The following DENND2C variants were observed in gnomAD, a reference collection of about 807,000 sequenced individuals.
DENND2C encodes the protein DENN domain containing 2C, also known as DENN domain-containing protein 2C.
In DENND2C, 72 loss-of-function variants were observed where a neutral mutation model predicts 112.4. The ratio of observed to expected loss-of-function variants is 0.64; its 90% CI spans 0.53 to 0.78. DENND2C has a LOEUF of 0.78. Among genes scored for constraint, DENND2C ranks in the 30% least tolerant of loss-of-function variants. The pLI, the probability that DENND2C is intolerant of heterozygous loss-of-function variation, is 0.00. For synonymous variants in DENND2C, 329 were observed against 381.6 expected, an observed-to-expected ratio of 0.86 and a Z score of 1.61; for missense variants, 992 against 1,113.8, an observed-to-expected ratio of 0.89 and a Z score of 1.56.
chr1:114,659,151 C>T (rs1657414211), intron 1 of DENND2C, among the ~76,000 whole-genome samples: 2 of 152,106 alleles, frequency 1.3e-5, no homozygotes, highest in African/African-American at 4.8e-5. Flanking sequence ...TAAGAACTAA[C>T]AATCTCTCTA....
At position 114,600,964 on chromosome 1, in the gene DENND2C, T is replaced by C. The variant is rs1385695339; in HGVS notation, c.1816-4A>G. 2.5e-6 allele frequency: 4 copies of C among 1,611,390 alleles called. No individual in the cohort carries two copies. The highest frequency in any genetic ancestry group is 3.4e-6 in the Non-Finnish European group (4 of 1,178,678). Reference sequence around the variant, plus strand: ...TCTTCTCTACTTCATCCAGAATCTATATACGCAAAGTGTTATTTTATTATG... The same window carrying C: ...TCTTCTCTACTTCATCCAGAATCTACATACGCAAAGTGTTATTTTATTATG... On this transcript the variant is annotated splice_polypyrimidine_tract_variant and splice_region_variant and intron_variant, in intron 13 of 20. Coordinates refer to ENST00000393274, the MANE Select transcript of DENND2C (RefSeq NM_001256404.2).
Position 114,625,700 on chromosome 1 carries a change from A to G in DENND2C, c.285T>C (p.Asn95=). ...CGTCATATTCATGTTTCTTATTTTCATTCTCACTTTGATCATGGCTTTTGG... is the reference window on the plus strand; with the variant it reads ...CGTCATATTCATGTTTCTTATTTTCGTTCTCACTTTGATCATGGCTTTTGG... ...ENTKSHDQSE[N]ENKKHEYDDT... is the part of the protein sequence containing the mutation. The change falls in exon 4 of 21, where the codon AAT becomes AAC. Residue 95 remains asparagine (N), a synonymous_variant. Coordinates refer to ENST00000393274, the MANE Select transcript of DENND2C (RefSeq NM_001256404.2). 6.2e-7 allele frequency: 1 copy of G among 1,613,896 alleles called. No homozygotes were observed. Among genetic ancestry groups the G allele is most frequent in the Non-Finnish European group, 8.5e-7 (1 of 1,179,964 alleles).
chr1:114,601,133 G>A (rs1471800542), intron 13 of DENND2C, among the ~76,000 whole-genome samples, 173 bp from the exon 14 acceptor site: 1 of 152,112 alleles, frequency 6.6e-6, no homozygotes, highest in African/African-American at 2.4e-5. Context: ...CTCTTGGGAG[G>A]TATCATTATA....
chr1:114,604,406 C>T (rs1233509474), intron 11 of DENND2C, among the ~76,000 whole-genome samples: 1 of 152,156 alleles, frequency 6.6e-6, no homozygotes. Context: ...CCTCTAGATA[C>T]CTGGAAGAAA....
intron 18 of DENND2C, among the ~76,000 whole-genome samples, chr1:114,591,888 T>C (rs916532289): frequency 1.3e-5 from 2 of 149,922 alleles, no homozygotes; most frequent in African/African-American, 4.9e-5. Context: ...ATTTTTATTA[T>C]TATTATTATT....
intron 3 of DENND2C, 43 bp from the exon 4 acceptor site, chr1:114,626,231 T>C: frequency 2.6e-6 from 1 of 391,064 alleles, no homozygotes; most frequent in Non-Finnish European, 4.6e-6. Context: ...TTTTATAATT[T>C]CCTAATTTAA....
At chr1:114,654,145 T>A (rs1047066111) in intron 2 of DENND2C, among the ~76,000 whole-genome samples, 5 of 152,082 alleles carry the variant, frequency 3.3e-5, no homozygotes, top group Non-Finnish European at 5.9e-5. Context: ...TTATAAAAAA[T>A]AAACAGGCCA....
chr1:114,625,771 C>A lies in DENND2C; in HGVS notation c.214G>T (p.Asp72Tyr). 1.2e-6 allele frequency: 2 copies of A among 1,614,064 alleles called. No homozygotes were observed. The highest frequency in any genetic ancestry group is 1.7e-4 in the Middle Eastern group (1 of 6,060). The change falls in exon 4 of 21, where the codon GAT (aspartate) becomes TAT (tyrosine). Residue 72 changes from aspartate to tyrosine, a missense_variant. Physicochemically the swap from Asp to Tyr is radical, Grantham distance 160. Coordinates refer to ENST00000393274, the MANE Select transcript of DENND2C (RefSeq NM_001256404.2). The part of the protein sequence containing the change: ...PIAERKSKNL[D>Y]VTSRENVGLD... ...CCCACATTTTCACGGCTGGTTACAT[C>A]CAAGTTTTTGCTCTTTCTCTCAGCT...
intron 1 of DENND2C, 35 bp downstream of exon 1, chr1:114,669,948 C>T (rs900852158): frequency 6.5e-6 from 1 of 152,734 alleles, no homozygotes; most frequent in African/African-American, 2.4e-5. Flanking sequence ...GCCCCTGCGG[C>T]TTAAAACCCC....
chr1:114,600,554 T>C (rs955502570), intron 14 of DENND2C, among the ~76,000 whole-genome samples: 13 of 152,142 alleles, frequency 8.5e-5, no homozygotes, highest in African/African-American at 2.9e-4. Flanking sequence ...CTTCTGACAA[T>C]AGTATATACA....
intron 9 of DENND2C, among the ~76,000 whole-genome samples, chr1:114,609,422 G>T (rs564183399): frequency 6.6e-6 from 1 of 152,082 alleles, no homozygotes; most frequent in Non-Finnish European, 1.5e-5. Flanking sequence ...TACTAACAAT[G>T]AATATATACT....
Position 114,621,797 on chromosome 1 carries a change from G to A in DENND2C, c.1227+98C>T, listed in dbSNP as rs1656173058. 6 of 1,466,104 alleles carry A rather than the reference G, an allele frequency of 4.1e-6. No individual in the cohort carries two copies. In the East Asian group the frequency reaches 1.5e-4, roughly 36 times the overall value. The allele number at this position is 1,466,104 out of a possible 1,614,324, so 90.8% of individuals were successfully genotyped here. On this transcript the variant is annotated intron_variant, in intron 7 of 20. Transcript: ENST00000393274. ...TAAGTCTTCTAATCCCAGTAGGTCA[G>A]TTCTAACCTATTATTCATTTCGGTC...
At chr1:114,595,482 CAAA>C (rs1200426049) in intron 17 of DENND2C, 151 of 69,174 alleles carry the variant, frequency 2.2e-3, no homozygotes, top group Middle Eastern at 9.6e-3. Flanking sequence ...GACTCCATCT[CAAA>C]AAAAAAAAAA....
intron 2 of DENND2C, among the ~76,000 whole-genome samples, chr1:114,651,308 C>CACA (rs1553237779): frequency 2.0e-5 from 3 of 150,868 alleles, no homozygotes; most frequent in Non-Finnish European, 3.0e-5. Context: ...CACACACACG[C>CACA]CAAGTATGAA....
Position 114,662,876 on chromosome 1 carries a change from T to C in DENND2C, c.-574+7107A>G, listed in dbSNP as rs528866646. Among the ~76,000 whole-genome samples the C allele has an allele frequency of 3.3e-5, 5 of 152,054 alleles. No homozygotes were observed. In the South Asian group the frequency reaches 1.0e-3, roughly 32 times the overall value. On this transcript the variant is annotated intron_variant, in intron 1 of 20. Coordinates refer to ENST00000393274, the MANE Select transcript of DENND2C (RefSeq NM_001256404.2). ...CTGGGAGGCTGAGGTGGAGGGATCGTGTGAGCCCAGGGGTTGGAGGCTGCA... is the reference window on the plus strand; with the variant it reads ...CTGGGAGGCTGAGGTGGAGGGATCGCGTGAGCCCAGGGGTTGGAGGCTGCA...
At chr1:114,595,541 A>T (rs1418834926) in intron 17 of DENND2C, 7 of 273,164 alleles carry the variant, frequency 2.6e-5, no homozygotes, top group African/African-American at 4.5e-5. Flanking sequence ...AATGTAATTA[A>T]ATTAGAGGCT....
chr1:114,668,163 C>T (rs12736660), intron 1 of DENND2C, among the ~76,000 whole-genome samples: 1 of 152,080 alleles, frequency 6.6e-6, no homozygotes, highest in African/African-American at 2.4e-5. Context: ...AGGTTTCAGA[C>T]CTCCAAGATC....
chr1:114,648,710 C>T (rs1657066844), intron 2 of DENND2C, among the ~76,000 whole-genome samples: 1 of 152,070 alleles, frequency 6.6e-6, no homozygotes, highest in Admixed American at 6.6e-5. Context: ...AGTACAGAGA[C>T]ACAGGGACTG....
chr1:114,669,364 G>A (rs1055287058), intron 1 of DENND2C, among the ~76,000 whole-genome samples: 4 of 152,114 alleles, frequency 2.6e-5, no homozygotes, highest in Admixed American at 2.0e-4. Flanking sequence ...ATCTGGTTCC[G>A]CGGGTTCTGG....
Sources: gnomAD v4.1 joint callset for allele counts (sites outside exome capture counted in the v4.1 genomes callset) on GRCh38, gnomAD v4.1.1 for gene constraint, MANE v1.5 for transcripts, NCBI Gene and HGNC (gene_info 2026-07-23, HGNC 2026-07-21) for gene names.